Variants in FAM135B observed in about 807,000 individuals in gnomAD.
FAM135B encodes the protein family with sequence similarity 135 member B.
In FAM135B, 43 loss-of-function variants were observed where a neutral mutation model predicts 127.7. The observed-to-expected ratio is 0.34, with a 90% CI of 0.26 to 0.43. FAM135B has a LOEUF of 0.43. Among genes scored for constraint, FAM135B ranks in the 20% least tolerant of loss-of-function variants. The pLI is 1.00. For missense variants in FAM135B, 1,558 were observed against 1,725.6 expected, an observed-to-expected ratio of 0.90 and a Z score of 1.72; for synonymous variants, 670 against 665.1, an observed-to-expected ratio of 1.01 and a Z score of -0.11.
chr8:138,447,676 G>A lies in FAM135B; in HGVS notation c.-20+48995C>T, dbSNP rs181844854. 8.8e-4 allele frequency among the ~76,000 whole-genome samples: 134 copies of A among 151,896 alleles called. 2 individuals carry two copies. The highest frequency in any genetic ancestry group is 1.6e-3 in the Non-Finnish European group (110 of 67,964). On this transcript the variant is annotated intron_variant, in intron 1 of 19. Coordinates refer to ENST00000395297, the MANE Select transcript of FAM135B (RefSeq NM_015912.4). ...TTGTGGGGTGGGGATTGGGGGATGG[G>A]AGGGATAGCATTAGGAGATATACCT...
chr8:138,439,678 T>G (rs1835653553), intron 1 of FAM135B: 1 of 152,170 alleles, frequency 6.6e-6, no homozygotes, highest in Non-Finnish European at 1.5e-5. Flanking sequence ...TGCCAGAAGC[T>G]CTCCCAGGTG....
At chr8:138,256,843 G>A in intron 4 of FAM135B, 84 bp from the exon 5 acceptor site, 1 of 996,970 alleles carries the variant, frequency 1.0e-6, no homozygotes, top group South Asian at 1.4e-5. Flanking sequence ...TCCCAAAGTA[G>A]AGAAACACTA....
chr8:138,213,660 A>T (rs1293094131), intron 7 of FAM135B, among the ~76,000 whole-genome samples: 1 of 152,164 alleles, frequency 6.6e-6, no homozygotes, highest in Non-Finnish European at 1.5e-5. Flanking sequence ...TTATAGATTT[A>T]AGCAAGAGAA....
intron 1 of FAM135B, among the ~76,000 whole-genome samples, chr8:138,456,377 C>T (rs904029481): frequency 6.6e-6 from 1 of 152,102 alleles, no homozygotes; most frequent in Non-Finnish European, 1.5e-5. Flanking sequence ...TGCAATTTGC[C>T]AAAAACAAGT....
At chr8:138,235,439 T>C (rs1187456518) in intron 7 of FAM135B, among the ~76,000 whole-genome samples, 1 of 152,242 alleles carries the variant, frequency 6.6e-6, no homozygotes, top group East Asian at 1.9e-4. Context: ...CATAATGTCA[T>C]GTTTAATGAT....
chr8:138,398,963 G>T (rs1832996348), intron 1 of FAM135B, among the ~76,000 whole-genome samples: 1 of 152,108 alleles, frequency 6.6e-6, no homozygotes, highest in Admixed American at 6.5e-5. Flanking sequence ...CTTGAATCCA[G>T]ACCATTAGGA....
In FAM135B at chr8:138,131,291, T is replaced by G. The variant is rs1198170841; in HGVS notation, c.*1302A>C. On this transcript the variant is annotated 3_prime_UTR_variant, in exon 20 of 20. Coordinates refer to ENST00000395297, the MANE Select transcript of FAM135B (RefSeq NM_015912.4). Reference sequence around the variant, plus strand: ...GTCTTACTTATCCCTACTGTCCAGGTTCATTCATCTCTTCCATACAACGAA... The same window carrying G: ...GTCTTACTTATCCCTACTGTCCAGGGTCATTCATCTCTTCCATACAACGAA... 6.6e-6 allele frequency: 1 copy of G among 151,822 alleles called. No individual in the cohort carries two copies. The highest frequency in any genetic ancestry group is 1.5e-5 in the Non-Finnish European group (1 of 68,044). 9.4% of individuals were successfully genotyped at this position (151,822 alleles called of 1,614,324 possible).
chr8:138,433,921 T>G (rs1835332178), intron 1 of FAM135B, among the ~76,000 whole-genome samples: 1 of 152,044 alleles, frequency 6.6e-6, no homozygotes, highest in Non-Finnish European at 1.5e-5. Flanking sequence ...AGAAACCAAG[T>G]GGATGAAGAG....
chr8:138,157,112 T>C (rs112379476), intron 12 of FAM135B, among the ~76,000 whole-genome samples: 2 of 152,324 alleles, frequency 1.3e-5, no homozygotes, highest in Admixed American at 6.5e-5. Context: ...TCAAGTTGGC[T>C]TCATCCCTGG....
chr8:138,416,034 G>A (rs1046245812), intron 1 of FAM135B, among the ~76,000 whole-genome samples: 60 of 152,160 alleles, frequency 3.9e-4, no homozygotes, highest in African/African-American at 1.4e-3. Context: ...GAGCATTCAT[G>A]CCTGGTCCTC....
At chr8:138,492,558 G>C (rs1815244268) in intron 1 of FAM135B, among the ~76,000 whole-genome samples, 1 of 152,046 alleles carries the variant, frequency 6.6e-6, no homozygotes, top group Non-Finnish European at 1.5e-5. Context: ...TAGAGGAAAA[G>C]ACTGGCTTGC....
chr8:138,491,390 GA>G (rs2131697714), intron 1 of FAM135B, among the ~76,000 whole-genome samples: 1 of 152,268 alleles, frequency 6.6e-6, no homozygotes, highest in Non-Finnish European at 1.5e-5. Flanking sequence ...CGTGTCCCAA[GA>G]AATGTTTCAT....
chr8:138,349,603 C>G (rs116331011), intron 2 of FAM135B, among the ~76,000 whole-genome samples: 2,040 of 152,110 alleles, frequency 0.013, 38 homozygotes, highest in African/African-American at 0.047. Context: ...CGGCTGGCCA[C>G]AAATGACATA....
intron 1 of FAM135B, among the ~76,000 whole-genome samples, chr8:138,423,939 A>C (rs1487253699): frequency 3.3e-5 from 5 of 152,066 alleles, no homozygotes; most frequent in Admixed American, 1.3e-4. Flanking sequence ...ATTCAGCCAT[A>C]TTTCTCCCAT....
At chr8:138,191,642 G>A (rs1816134354) in intron 9 of FAM135B, among the ~76,000 whole-genome samples, 1 of 152,118 alleles carries the variant, frequency 6.6e-6, no homozygotes, top group African/African-American at 2.4e-5. Context: ...AGCACTGGGG[G>A]CTTGGGAAAT....
intron 3 of FAM135B, among the ~76,000 whole-genome samples, chr8:138,274,204 T>C (rs1823626662): frequency 6.6e-6 from 1 of 152,204 alleles, no homozygotes; most frequent in African/African-American, 2.4e-5. Flanking sequence ...ACGTAGGTTC[T>C]TTTCTATTTT....
chr8:138,292,692 T>C (rs1013904623), intron 3 of FAM135B, among the ~76,000 whole-genome samples: 2 of 152,040 alleles, frequency 1.3e-5, no homozygotes, highest in East Asian at 1.9e-4. Context: ...GTGGTAATTA[T>C]TTTACAATAC....
At chr8:138,142,769 A>C (rs916847702) in intron 16 of FAM135B, 15 of 387,976 alleles carry the variant, frequency 3.9e-5, no homozygotes, top group African/African-American at 3.0e-4. Flanking sequence ...TTTTTGTTTT[A>C]AGTCCAAGAC....
chr8:138,348,296 C>T (rs200795095), intron 2 of FAM135B, among the ~76,000 whole-genome samples: 11 of 151,552 alleles, frequency 7.3e-5, no homozygotes, highest in South Asian at 2.1e-4. Flanking sequence ...CACCACACCC[C>T]GCTAATTTTT....
Sources: allele counts gnomAD v4.1 joint callset (sites outside exome capture counted in the v4.1 genomes callset), GRCh38; gene constraint gnomAD v4.1.1; transcripts MANE v1.5; gene names NCBI Gene and HGNC (gene_info 2026-07-23, HGNC 2026-07-21).